AGAP1: variants seen among roughly 807,000 people sequenced by gnomAD.
The protein encoded by AGAP1 is arf-GAP with GTPase, ANK repeat and PH domain-containing protein 1.
A neutral mutation model predicts 105.3 loss-of-function variants in AGAP1; 29 were observed. That is an observed-to-expected ratio of 0.28 (90% CI 0.21 to 0.38). The LOEUF is 0.38. Ranked by LOEUF, AGAP1 falls within the 10% of genes least tolerant of loss-of-function variation. AGAP1 has a pLI of 1.00. For missense variants in AGAP1, 998 were observed against 1,165.1 expected (o/e 0.86, Z 2.09); for synonymous variants, 509 against 485.9 (o/e 1.05, Z -0.63).
rs1943795561 is a variant in AGAP1, at chr2:235,551,133, G to A, written c.163+56284G>A. ...GAGGAAGAGAAGTGGGGGGTCGGGG[G>A]CATCCCACCTCCCTGGCCACCTCCA... On this transcript the variant is annotated intron_variant, in intron 1 of 17. Transcript: ENST00000304032. This position sits in a 1 kb window ranked among gnomAD's most constrained non-coding sequence, Gnocchi z 4.8. 6.6e-6 allele frequency among the ~76,000 whole-genome samples: 1 copy of A among 152,126 alleles called. No individual in the cohort carries two copies. The highest frequency in any genetic ancestry group is 2.4e-5 in the African/African-American group (1 of 41,426).
chr2:235,585,173 A>T (rs1160987908), intron 1 of AGAP1, among the ~76,000 whole-genome samples: 1 of 152,062 alleles, frequency 6.6e-6, no homozygotes, highest in Non-Finnish European at 1.5e-5. Flanking sequence ...AACAGCATAG[A>T]TTTATTACAG....
rs753031241 is a variant in AGAP1, at chr2:236,124,021, G to T, written c.2473G>T (p.Gly825Cys). 6.2e-7 allele frequency: 1 copy of T among 1,613,890 alleles called. No individual in the cohort carries two copies. Among genetic ancestry groups the T allele is most frequent in the Non-Finnish European group, 8.5e-7 (1 of 1,180,012 alleles). Residue 825 changes from glycine to cysteine, a missense_variant, in exon 18 of 18, where the codon GGC (glycine) becomes TGC (cysteine). By Grantham distance (159) the Gly-to-Cys change is radical. Around this residue, in one of 3 missense-constraint regions of AGAP1, gnomAD observed 235 missense variants for 270.7 expected, o/e 0.87. Transcript: ENST00000304032. The surrounding 1 kb of genome is among the most constrained non-coding windows in gnomAD (Gnocchi z 5.1). ...GTGCATCGACGTGCTGCTGCAGTAC[G>T]GCTGCCCCGACGAGCGCTTCGTGCT... ...QECIDVLLQY[G>C]CPDERFVLMA...
chr2:235,924,588 G>T (rs761131359), intron 11 of AGAP1, among the ~76,000 whole-genome samples: 2 of 152,196 alleles, frequency 1.3e-5, no homozygotes, highest in African/African-American at 2.4e-5. Flanking sequence ...GTTCCTGGGT[G>T]ATGAGACTCC....
chr2:235,877,739 A>G lies in AGAP1; in HGVS notation c.1051-5606A>G, dbSNP rs551258846. On this transcript the variant is annotated intron_variant, in intron 9 of 17. Transcript: ENST00000304032. This position sits in a 1 kb window ranked among gnomAD's most constrained non-coding sequence, Gnocchi z 4.3. Reference sequence around the variant, plus strand: ...AAATTATGGTTCCAGAGAAAATGACAGGTTTCCCTTGCATCTCAAATTTGC... The same window carrying G: ...AAATTATGGTTCCAGAGAAAATGACGGGTTTCCCTTGCATCTCAAATTTGC... Among the ~76,000 whole-genome samples the G allele has an allele frequency of 4.6e-5, 7 of 152,294 alleles. No individual in the cohort carries two copies. The highest frequency in any genetic ancestry group is 1.7e-4 in the African/African-American group (7 of 41,580).
chr2:235,508,141 C>G (rs117730490), intron 1 of AGAP1, among the ~76,000 whole-genome samples: 7 of 152,306 alleles, frequency 4.6e-5, no homozygotes, highest in African/African-American at 1.7e-4. Context: ...CTGCATAGTA[C>G]TCCACAGTGT....
At chr2:236,060,040 G>A (rs1017943664) in intron 16 of AGAP1, among the ~76,000 whole-genome samples, 4 of 152,142 alleles carry the variant, frequency 2.6e-5, no homozygotes, top group Admixed American at 1.3e-4. Flanking sequence ...GCAGTGAGCC[G>A]AGATCGCACC....
rs2054043225 is a variant in AGAP1, at chr2:235,958,456, G to A, written c.1484-10006G>A. On this transcript the variant is annotated intron_variant, in intron 12 of 17. Coordinates refer to ENST00000304032, the MANE Select transcript of AGAP1 (RefSeq NM_001037131.3). The surrounding 1 kb of genome is among the most constrained non-coding windows in gnomAD (Gnocchi z 4.1). Reference sequence around the variant, plus strand: ...TTTAGAGACCCTCGGGAGCGCGAGGGATATGAGAATCACAAGCACAGAGAC... The same window carrying A: ...TTTAGAGACCCTCGGGAGCGCGAGGAATATGAGAATCACAAGCACAGAGAC... 6.6e-6 allele frequency among the ~76,000 whole-genome samples: 1 copy of A among 152,052 alleles called. No individual in the cohort carries two copies.
At chr2:236,111,233 A>G (rs2059630298) in intron 16 of AGAP1, among the ~76,000 whole-genome samples, 1 of 152,160 alleles carries the variant, frequency 6.6e-6, no homozygotes. Context: ...CACTGGGATG[A>G]GAAAGGGCCG....
In AGAP1 at chr2:235,550,993, C is replaced by T. The variant is rs1199698944; in HGVS notation, c.163+56144C>T. On this transcript the variant is annotated intron_variant, in intron 1 of 17. Coordinates refer to ENST00000304032, the MANE Select transcript of AGAP1 (RefSeq NM_001037131.3). The surrounding 1 kb of genome is among the most constrained non-coding windows in gnomAD (Gnocchi z 4.6). ...TTCACCATGTTGGGCAGGCTGGTCT[C>T]GAACTCCTGGCCTCAAGTGATCCAC... 9.9e-5 allele frequency among the ~76,000 whole-genome samples: 15 copies of T among 152,118 alleles called. No individual in the cohort carries two copies. The highest frequency in any genetic ancestry group is 5.2e-4 in the Admixed American group (8 of 15,268).
intron 1 of AGAP1, among the ~76,000 whole-genome samples, chr2:235,554,548 C>T (rs971634450): frequency 6.6e-6 from 1 of 152,224 alleles, no homozygotes; most frequent in African/African-American, 2.4e-5. Flanking sequence ...AGGGCTCCAG[C>T]TTTAGGGAGG....
intron 16 of AGAP1, among the ~76,000 whole-genome samples, chr2:236,088,410 C>T (rs1383212242): frequency 6.6e-6 from 1 of 152,206 alleles, no homozygotes; most frequent in Non-Finnish European, 1.5e-5. Flanking sequence ...CTGTAATGAC[C>T]ATCTTGGAGG....
chr2:235,527,225 A>G (rs1206060832), intron 1 of AGAP1, among the ~76,000 whole-genome samples: 1 of 152,214 alleles, frequency 6.6e-6, no homozygotes, highest in African/African-American at 2.4e-5. Context: ...TGGCCAGGCA[A>G]GCATCTCAGT....
chr2:235,811,357 C>A (rs532385845), intron 9 of AGAP1, among the ~76,000 whole-genome samples: 1 of 152,180 alleles, frequency 6.6e-6, no homozygotes, highest in Non-Finnish European at 1.5e-5. Flanking sequence ...TTTTGAAAAT[C>A]ATGCTCAGTT....
chr2:235,774,553 G>A (rs1955713596), intron 6 of AGAP1: 2 of 315,656 alleles, frequency 6.3e-6, no homozygotes, highest in Non-Finnish European at 6.4e-6. Context: ...ATCAAGGACT[G>A]AAAACTGTCG....
chr2:235,695,548 T>C (rs76303366), intron 1 of AGAP1, among the ~76,000 whole-genome samples: 2,623 of 152,302 alleles, frequency 0.017, 66 homozygotes, highest in African/African-American at 0.059. Context: ...GCTCAGTATA[T>C]TACACTTGAT....
Position 235,744,546 on chromosome 2 carries a change from G to A in AGAP1, c.397-152G>A. On this transcript the variant is annotated intron_variant, in intron 4 of 17. Coordinates refer to ENST00000304032, the MANE Select transcript of AGAP1 (RefSeq NM_001037131.3). The surrounding 1 kb of genome is among the most constrained non-coding windows in gnomAD (Gnocchi z 5.2). ...GGAGGAGGACGTGGATGCCGTGACAGTGTGTAAAAGTGACAGTCAAAAGTC... is the reference window on the plus strand; with the variant it reads ...GGAGGAGGACGTGGATGCCGTGACAATGTGTAAAAGTGACAGTCAAAAGTC... 2.3e-6 allele frequency: 2 copies of A among 877,588 alleles called. No homozygotes were observed. Among genetic ancestry groups the A allele is most frequent in the South Asian group, 1.6e-5 (1 of 62,524 alleles). The allele number at this position is 877,588 out of a possible 1,614,324, so 54.4% of individuals were successfully genotyped here. A position where few individuals can be genotyped will look rare whatever the true frequency, so the allele number is the denominator to read the frequency against.
At chr2:235,656,429 C>T (rs1426868872) in intron 1 of AGAP1, among the ~76,000 whole-genome samples, 1 of 152,142 alleles carries the variant, frequency 6.6e-6, no homozygotes, top group Non-Finnish European at 1.5e-5. Context: ...TTAACTTTCT[C>T]ATAAAGCAAC....
chr2:235,973,755 G>T lies in AGAP1; in HGVS notation c.1645+5132G>T, dbSNP rs549494920. On this transcript the variant is annotated intron_variant, in intron 13 of 17. Coordinates refer to ENST00000304032, the MANE Select transcript of AGAP1 (RefSeq NM_001037131.3). This position sits in a 1 kb window ranked among gnomAD's most constrained non-coding sequence, Gnocchi z 4.7. ...TCTAGAAAAAGCTCTACGAACCAGG[G>T]CCACCTGAGAGGGAGTGACCCCGAC... 6.6e-6 allele frequency among the ~76,000 whole-genome samples: 1 copy of T among 152,284 alleles called. No individual in the cohort carries two copies. Among genetic ancestry groups the T allele is most frequent in the East Asian group, 1.9e-4 (1 of 5,172 alleles).
At chr2:236,011,028 A>G (rs1559188792) in intron 13 of AGAP1, among the ~76,000 whole-genome samples, 1 of 152,160 alleles carries the variant, frequency 6.6e-6, no homozygotes, top group Non-Finnish European at 1.5e-5. Flanking sequence ...GCCTGGGCTA[A>G]CAGTGCAAGA....
Sources: gnomAD v4.1 joint callset for allele counts (sites outside exome capture counted in the v4.1 genomes callset) on GRCh38, gnomAD v4.1.1 for gene constraint, gnomAD v4.1.1 regional missense constraint, Gnocchi (gnomAD v3.1) non-coding constraint, MANE v1.5 for transcripts, NCBI Gene and HGNC (gene_info 2026-07-23, HGNC 2026-07-21) for gene names.